Variants in GRIP1 observed in about 807,000 individuals in gnomAD.
GRIP1 encodes the protein glutamate receptor-interacting protein 1.
GRIP1 carries 45 observed loss-of-function variants against 129.9 expected under a neutral mutation model. The observed-to-expected ratio is 0.35, with a 90% confidence interval of 0.27 to 0.44. The LOEUF is 0.44. Among genes scored for constraint, GRIP1 ranks in the 20% least tolerant of loss-of-function variants. GRIP1 has a pLI of 1.00. For missense variants in GRIP1, 1,196 were observed against 1,396.8 expected (o/e 0.86, Z 2.29); for synonymous variants, 530 against 520.8 (o/e 1.02, Z -0.24).
At chr12:67,051,592 C>G (rs1321264122) in intron 1 of GRIP1, among the ~76,000 whole-genome samples, 1 of 152,158 alleles carries the variant, frequency 6.6e-6, no homozygotes, top group Non-Finnish European at 1.5e-5. Context: ...TTCAGCTGAA[C>G]TGGGCTAGAC....
chr12:66,497,956 A>T (rs570670113), intron 7 of GRIP1, among the ~76,000 whole-genome samples: 55 of 152,218 alleles, frequency 3.6e-4, no homozygotes, highest in African/African-American at 1.2e-3. Context: ...AACTGATGAC[A>T]TTACCTTGTG....
chr12:66,602,212 G>A lies in GRIP1; in HGVS notation c.56-5285C>T, dbSNP rs528154211. ...TCCCAGTCAGCATGAACATATCATG[G>A]TTGCTTCTCTCCCATAGACACCAGC... On this transcript the variant is annotated intron_variant, in intron 1 of 24. Coordinates refer to ENST00000359742, the MANE Select transcript of GRIP1 (RefSeq NM_001366722.1). Among the ~76,000 whole-genome samples, 9 of 152,220 alleles carry A rather than the reference G, an allele frequency of 5.9e-5. No individual in the cohort carries two copies. In the South Asian group the frequency reaches 1.7e-3, roughly 28 times the overall value.
At chr12:66,709,045 G>C (rs1057118242) in intron 1 of GRIP1, among the ~76,000 whole-genome samples, 1 of 150,754 alleles carries the variant, frequency 6.6e-6, no homozygotes, top group South Asian at 2.1e-4. Context: ...TCATGAATTA[G>C]AAAAAAAATG....
chr12:66,549,424 T>C (rs1036251453), intron 2 of GRIP1, among the ~76,000 whole-genome samples: 1 of 152,172 alleles, frequency 6.6e-6, no homozygotes, highest in East Asian at 1.9e-4. Flanking sequence ...TATAGCTATA[T>C]CTGTGTACTA....
chr12:66,980,092 G>A (rs1053590214), intron 1 of GRIP1, among the ~76,000 whole-genome samples: 1 of 152,162 alleles, frequency 6.6e-6, no homozygotes, highest in African/African-American at 2.4e-5. Context: ...CAGACAGCCA[G>A]AACAGAAGAC....
At chr12:66,489,178 T>C (rs4913517) in intron 7 of GRIP1, among the ~76,000 whole-genome samples, 86,247 of 151,924 alleles carry the variant, frequency 0.57, 25,597 homozygotes, top group Middle Eastern at 0.74. Flanking sequence ...GAAAAGAAAA[T>C]TTCAGGCCAA....
intron 1 of GRIP1, chr12:66,803,891 C>G (rs1233636425): frequency 3.2e-6 from 1 of 308,108 alleles, no homozygotes; most frequent in Non-Finnish European, 6.6e-6. Context: ...AATGGCTGTT[C>G]TTGCAACAAA....
At chr12:66,788,185 G>A (rs183117200) in intron 1 of GRIP1, among the ~76,000 whole-genome samples, 207 of 151,562 alleles carry the variant, frequency 1.4e-3, no homozygotes, top group Non-Finnish European at 2.2e-3. Context: ...ACCTACTATC[G>A]GGACAACACT....
chr12:66,914,934 G>A (rs745524611), intron 1 of GRIP1, among the ~76,000 whole-genome samples: 1 of 152,102 alleles, frequency 6.6e-6, no homozygotes, highest in African/African-American at 2.4e-5. Flanking sequence ...AGTCCAGCAT[G>A]GGCAACACAG....
chr12:66,955,230 G>T (rs564617346), intron 1 of GRIP1, among the ~76,000 whole-genome samples: 1 of 152,110 alleles, frequency 6.6e-6, no homozygotes, highest in Non-Finnish European at 1.5e-5. Flanking sequence ...AGATTGCTGA[G>T]CCTGATCACC....
chr12:66,489,721 A>G (rs956218669), intron 7 of GRIP1, among the ~76,000 whole-genome samples: 10 of 152,124 alleles, frequency 6.6e-5, no homozygotes, highest in Non-Finnish European at 1.0e-4. Flanking sequence ...ATACTCCATC[A>G]TCTCAGCCCA....
At chr12:66,870,716 T>A (rs994721629) in intron 1 of GRIP1, among the ~76,000 whole-genome samples, 1 of 152,120 alleles carries the variant, frequency 6.6e-6, no homozygotes, top group Admixed American at 6.6e-5. Context: ...TGGTAACAAG[T>A]GCTATCACAC....
chr12:66,798,791 C>T (rs923634337), intron 1 of GRIP1, among the ~76,000 whole-genome samples: 1 of 152,076 alleles, frequency 6.6e-6, no homozygotes, highest in Non-Finnish European at 1.5e-5. Context: ...TAATTAACAT[C>T]ATCTGTAAAT....
Position 66,895,767 on chromosome 12 carries a change from A to G in GRIP1, c.58+173283T>C, listed in dbSNP as rs577670542. On this transcript the variant is annotated intron_variant, in intron 1 of 1. Transcript: ENST00000643019. ...CTGGTTTACTTTCATATTAATGTTC[A>G]TTTACCAGAAGATGAGGAAGTTATA... Among the ~76,000 whole-genome samples, 13 of 152,268 alleles carry G rather than the reference A, an allele frequency of 8.5e-5. No individual in the cohort carries two copies. The East Asian group carries it at 2.5e-3, about 29-fold the overall frequency.
intron 2 of GRIP1, among the ~76,000 whole-genome samples, chr12:66,586,169 C>A (rs1266963146): frequency 6.6e-6 from 1 of 152,154 alleles, no homozygotes; most frequent in Non-Finnish European, 1.5e-5. Flanking sequence ...ATTCTCACCT[C>A]CACCCATTCA....
At chr12:66,528,212 GC>G (rs1565830177) in intron 5 of GRIP1, among the ~76,000 whole-genome samples, 1 of 142,008 alleles carries the variant, frequency 7.0e-6, no homozygotes, top group East Asian at 2.1e-4. Flanking sequence ...TGGGCTCACT[GC>G]AAGCTCCACC....
upstream of GRIP1, among the ~76,000 whole-genome samples, chr12:66,805,941 T>TA (rs1293516688): frequency 2.0e-5 from 3 of 150,670 alleles, no homozygotes; most frequent in Middle Eastern, 3.4e-3. Context: ...ATCTTTAAAT[T>TA]AAAAAAATCA....
chr12:66,807,666 A>C (rs2039021018), upstream of GRIP1, among the ~76,000 whole-genome samples: 2 of 151,618 alleles, frequency 1.3e-5, no homozygotes, highest in Non-Finnish European at 2.9e-5. Context: ...GGAGTAAAAA[A>C]GTGTGGCACC....
chr12:66,446,061 G>C (rs145810192), intron 11 of GRIP1, among the ~76,000 whole-genome samples: 7 of 151,956 alleles, frequency 4.6e-5, no homozygotes, highest in African/African-American at 1.7e-4. Context: ...GGGTTGGCAT[G>C]ATGACATTGT....
Sources: allele counts gnomAD v4.1 joint callset (sites outside exome capture counted in the v4.1 genomes callset), GRCh38; gene constraint gnomAD v4.1.1; transcripts MANE v1.5; gene names NCBI Gene and HGNC (gene_info 2026-07-23, HGNC 2026-07-21).